Variants in TPRN observed in about 807,000 individuals in gnomAD.
TPRN encodes the protein chromosome 9 open reading frame 75.
TPRN carries 32 observed loss-of-function variants against 42.6 expected under a neutral mutation model. The ratio of observed to expected loss-of-function variants is 0.75; its 90% CI spans 0.57 to 1.01. The LOEUF (loss-of-function observed/expected upper bound fraction) is 1.01, where lower values mean the gene tolerates loss of function less well. Ranked by LOEUF, TPRN falls within the 50% of genes least tolerant of loss-of-function variation. The pLI, the probability that TPRN is intolerant of heterozygous loss-of-function variation, is 0.00. For synonymous variants in TPRN, 541 were observed against 445.6 expected, an observed-to-expected ratio of 1.21 and a Z score of -2.70; for missense variants, 1,095 against 957.5, an observed-to-expected ratio of 1.14 and a Z score of -1.90.
Position 137,191,781 on chromosome 9 carries a change from G to T in TPRN, c.*331C>A. 2.3e-6 allele frequency: 1 copy of T among 439,598 alleles called. No homozygotes were observed. Among genetic ancestry groups the T allele is most frequent in the Non-Finnish European group, 4.3e-6 (1 of 234,688 alleles). 27.2% of individuals were successfully genotyped at this position (439,598 alleles called of 1,614,324 possible). A position where few individuals can be genotyped will look rare whatever the true frequency, so the allele number is the denominator to read the frequency against. On this transcript the variant is annotated 3_prime_UTR_variant, in exon 4 of 4. Coordinates refer to ENST00000409012, the MANE Select transcript of TPRN (RefSeq NM_001128228.3). ...CCCCATGGCCACTGTGAGGCAGGCT[G>T]AGGAGACAGGACAGGGAATGGCCAG...
Position 137,200,526 on chromosome 9 carries a change from C to CA in TPRN, c.185dup (p.Met62IlefsTer168). 1 of 1,169,676 alleles carries CA rather than the reference C, an allele frequency of 8.5e-7. No homozygotes were observed. Among genetic ancestry groups the CA allele is most frequent in the Non-Finnish European group, 1.1e-6 (1 of 946,248 alleles). 72.5% of individuals were successfully genotyped at this position (1,169,676 alleles called of 1,614,324 possible). ...CGCGCCGCCGCTCGGCCTCCAGCAG[C>CA]ATGAACGGGTTCTCGCGCAGCGGGC... is the stretch of plus-strand genomic sequence containing the variant. On this transcript the variant is annotated frameshift_variant, in exon 1 of 4. Coordinates refer to ENST00000409012, the MANE Select transcript of TPRN (RefSeq NM_001128228.3). LOFTEE classifies it high-confidence loss of function. The surrounding 1 kb of genome is among the most constrained non-coding windows in gnomAD (Gnocchi z 4.3).
In TPRN at chr9:137,199,944, A is replaced by G; in HGVS notation, c.768T>C (p.Asp256=). The change falls in exon 1 of 4, where the codon GAT becomes GAC. Residue 256 remains aspartate (D), a synonymous_variant. Coordinates refer to ENST00000409012, the MANE Select transcript of TPRN (RefSeq NM_001128228.3). ...GGCTGGGGGGCGGGTGGAGGGAGGG[A>G]TCCCCCGACTCCACCTTTGGCTTCC... ...GQWKPKVESG[D]PSLHPPPSPG... The G allele has an allele frequency of 5.4e-6, 8 of 1,483,544 alleles. No homozygotes were observed. Among genetic ancestry groups the G allele is most frequent in the Non-Finnish European group, 7.2e-6 (8 of 1,117,066 alleles). 91.9% of individuals were successfully genotyped at this position (1,483,544 alleles called of 1,614,324 possible). A position where few individuals can be genotyped will look rare whatever the true frequency, so the allele number is the denominator to read the frequency against.
intron 1 of TPRN, among the ~76,000 whole-genome samples, chr9:137,195,494 A>G (rs1285222043): frequency 6.6e-6 from 1 of 152,190 alleles, no homozygotes; most frequent in East Asian, 1.9e-4. Flanking sequence ...GCACAGGGGT[A>G]GAGGCAGGGA....
chr9:137,199,112 C>T lies in TPRN; in HGVS notation c.1600G>A (p.Ala534Thr). Residue 534 changes from alanine (A) to threonine (T), a missense_variant, in exon 1 of 4, where the codon GCT becomes ACT. By Grantham distance (58) the Ala-to-Thr change is moderately conservative. Transcript: ENST00000409012. ...PRPREAEEEE[A>T]SCLLGPTLKK... ...AACGTGGGCCCCAGGAGGCAACTAG[C>T]CTCCTCCTCCTCGGCCTCCCGTGGC... 1 of 1,613,060 alleles carries T rather than the reference C, an allele frequency of 6.2e-7. No individual in the cohort carries two copies.
chr9:137,193,906 G>A (rs1834668386), intron 1 of TPRN: 1 of 152,406 alleles, frequency 6.6e-6, no homozygotes, highest in African/African-American at 2.4e-5. Context: ...ACACACTCTT[G>A]CCATCATGCT....
At position 137,200,661 on chromosome 9, in the gene TPRN, A is replaced by G; in HGVS notation, c.51T>C (p.Ala17=). The G allele has an allele frequency of 8.1e-7, 1 of 1,237,306 alleles. No homozygotes were observed. Among genetic ancestry groups the G allele is most frequent in the African/African-American group, 1.6e-5 (1 of 62,132 alleles). The allele number at this position is 1,237,306 out of a possible 1,614,324, so 76.6% of individuals were successfully genotyped here. A position where few individuals can be genotyped will look rare whatever the true frequency, so the allele number is the denominator to read the frequency against. Residue 17 remains alanine (A), a synonymous_variant, in exon 1 of 4, where the codon GCT becomes GCC. Transcript: ENST00000409012. The surrounding 1 kb of genome is among the most constrained non-coding windows in gnomAD (Gnocchi z 4.3). The part of the protein sequence containing the change: ...PGSGPRAAVP[A]WKREILERKR... The stretch of plus-strand genomic sequence containing the variant: ...TCCGCTCCAGGATCTCACGCTTCCA[A>G]GCGGGCACCGCAGCGCGCGGCCCCG...
intron 1 of TPRN, among the ~76,000 whole-genome samples, chr9:137,198,267 C>T (rs937879128): frequency 7.2e-5 from 11 of 152,228 alleles, no homozygotes; most frequent in African/African-American, 2.2e-4. Flanking sequence ...GCAGGAATTA[C>T]CAGAAAGAAT....
intron 1 of TPRN, among the ~76,000 whole-genome samples, chr9:137,197,511 C>T (rs1250551335): frequency 2.0e-5 from 3 of 152,170 alleles, no homozygotes; most frequent in Non-Finnish European, 2.9e-5. Flanking sequence ...GGGAGGGGTT[C>T]TAGAAACAGA....
Position 137,199,494 on chromosome 9 carries a change from G to GAGGGC in TPRN, c.1213_1217dup (p.Ala407ProfsTer45). The GAGGGC allele has an allele frequency of 1.3e-6, 2 of 1,585,320 alleles. No homozygotes were observed. Among genetic ancestry groups the GAGGGC allele is most frequent in the Non-Finnish European group, 1.7e-6 (2 of 1,166,560 alleles). On this transcript the variant is annotated frameshift_variant, in exon 1 of 4. Coordinates refer to ENST00000409012, the MANE Select transcript of TPRN (RefSeq NM_001128228.3). LOFTEE classifies it high-confidence loss of function. ...TCTGCCACCTAATAGCCCGGTCAGCGAGGGCGGTGGCTGTCCTGGGACAGG... is the reference window on the plus strand; with the variant it reads ...TCTGCCACCTAATAGCCCGGTCAGCGAGGGCAGGGCGGTGGCTGTCCTGGGACAGG...
chr9:137,197,817 G>A (rs868502874), intron 1 of TPRN, among the ~76,000 whole-genome samples: 1 of 152,222 alleles, frequency 6.6e-6, no homozygotes, highest in Non-Finnish European at 1.5e-5. Flanking sequence ...GGAGTGGGAG[G>A]GGCCCTGGAC....
chr9:137,198,567 C>T (rs867650500), intron 1 of TPRN, among the ~76,000 whole-genome samples: 5 of 152,380 alleles, frequency 3.3e-5, no homozygotes, highest in Middle Eastern at 3.4e-3. Flanking sequence ...TGGCGCCTGG[C>T]GCCCATGCAG....
Position 137,200,637 on chromosome 9 carries a change from C to T in TPRN, c.75G>A (p.Arg25=). Residue 25 remains arginine (R), a synonymous_variant, in exon 1 of 4, where the codon CGG becomes CGA. Coordinates refer to ENST00000409012, the MANE Select transcript of TPRN (RefSeq NM_001128228.3). This position sits in a 1 kb window ranked among gnomAD's most constrained non-coding sequence, Gnocchi z 4.3. ...VPAWKREILE[R]KRAKLAALGG... Reference sequence around the variant, plus strand: ...CCAGCGCGGCTAGCTTGGCCCGCTTCCGCTCCAGGATCTCACGCTTCCAAG... The same window carrying T: ...CCAGCGCGGCTAGCTTGGCCCGCTTTCGCTCCAGGATCTCACGCTTCCAAG... The T allele has an allele frequency of 8.3e-7, 1 of 1,203,924 alleles. No homozygotes were observed. The highest frequency in any genetic ancestry group is 4.1e-5 in the Admixed American group (1 of 24,672). The allele number at this position is 1,203,924 out of a possible 1,614,324, so 74.6% of individuals were successfully genotyped here.
At position 137,192,581 on chromosome 9, in the gene TPRN, C is replaced by T. The variant is rs566915205; in HGVS notation, c.1836G>A (p.Glu612=). 1.2e-6 allele frequency: 2 copies of T among 1,611,786 alleles called. No homozygotes were observed. Among genetic ancestry groups the T allele is most frequent in the Non-Finnish European group, 1.7e-6 (2 of 1,179,118 alleles). ...EVDQQEEEEE[E]EEEEEEEEEG... ...CTTCCTCCTCTTCCTCTTCCTCCTCCTCCTCCTCCTCCTCCTCCTGCTGGT... is the reference window on the plus strand; with the variant it reads ...CTTCCTCCTCTTCCTCTTCCTCCTCTTCCTCCTCCTCCTCCTCCTGCTGGT... Residue 612 remains glutamate (E), a synonymous_variant, in exon 2 of 4, where the codon GAG becomes GAA. Transcript: ENST00000409012.
At chr9:137,194,420 C>G (rs1475310193) in intron 1 of TPRN, 1 of 152,402 alleles carries the variant, frequency 6.6e-6, no homozygotes, top group Admixed American at 6.5e-5. Flanking sequence ...TCTCCCACAG[C>G]CCCGAAGTCC....
intron 1 of TPRN, among the ~76,000 whole-genome samples, chr9:137,196,184 C>T (rs1834701544): frequency 6.6e-6 from 1 of 152,212 alleles, no homozygotes; most frequent in Admixed American, 6.5e-5. Context: ...CACCGCCAGC[C>T]GCTGAGGTGC....
chr9:137,200,723 G>C lies in TPRN; in HGVS notation c.-12C>G, dbSNP rs948547967. 6.1e-6 allele frequency: 7 copies of C among 1,138,296 alleles called. No homozygotes were observed. The highest frequency in any genetic ancestry group is 7.5e-6 in the Non-Finnish European group (7 of 928,884). 70.5% of individuals were successfully genotyped at this position (1,138,296 alleles called of 1,614,324 possible). A position where few individuals can be genotyped will look rare whatever the true frequency, so the allele number is the denominator to read the frequency against. Reference sequence around the variant, plus strand: ...CCCAGGGCGGCCATGCTGCGAACGCGGCAGCGGACGGCTGGACTGAGGGCC... The same window carrying C: ...CCCAGGGCGGCCATGCTGCGAACGCCGCAGCGGACGGCTGGACTGAGGGCC... On this transcript the variant is annotated 5_prime_UTR_variant, in exon 1 of 4. Coordinates refer to ENST00000409012, the MANE Select transcript of TPRN (RefSeq NM_001128228.3). The surrounding 1 kb of genome is among the most constrained non-coding windows in gnomAD (Gnocchi z 4.3).
Position 137,199,813 on chromosome 9 carries a change from CG to C in TPRN, c.898del (p.Arg300GlyfsTer150). 1 of 1,593,802 alleles carries C rather than the reference CG, an allele frequency of 6.3e-7. No individual in the cohort carries two copies. Among genetic ancestry groups the C allele is most frequent in the Non-Finnish European group, 8.5e-7 (1 of 1,170,674 alleles). On this transcript the variant is annotated frameshift_variant, in exon 1 of 4. Coordinates refer to ENST00000409012, the MANE Select transcript of TPRN (RefSeq NM_001128228.3). LOFTEE classifies it high-confidence loss of function. ...CTCCATAACTGGCTTGGGGGCCGGC[CG>C]TATCTCGAAGGAGTCGTTGGTGCTG... is the stretch of plus-strand genomic sequence containing the variant. The part of the protein sequence containing the change: ...ATSTNDSFEI[R>X]PAPKPVMETI...
At position 137,192,572 on chromosome 9, in the gene TPRN, T is replaced by C. The variant is rs139510609; in HGVS notation, c.1845A>G (p.Glu615=). 3.8e-5 allele frequency: 61 copies of C among 1,608,314 alleles called. No homozygotes were observed. The highest frequency in any genetic ancestry group is 4.7e-5 in the Non-Finnish European group (55 of 1,177,246). ...QQEEEEEEEE[E]EEEEEEGSGS... ...CGGATCCCTCTTCCTCCTCTTCCTC[T>C]TCCTCCTCCTCCTCCTCCTCCTCCT... The change falls in exon 2 of 4, where the codon GAA becomes GAG. Residue 615 remains glutamate (E), a synonymous_variant. Transcript: ENST00000409012.
In TPRN at chr9:137,199,521, C is replaced by T; in HGVS notation, c.1191G>A (p.Gly397=). The change falls in exon 1 of 4, where the codon GGG becomes GGA. Residue 397 remains glycine (G), a synonymous_variant. Coordinates refer to ENST00000409012, the MANE Select transcript of TPRN (RefSeq NM_001128228.3). ...GGGCGGTGGCTGTCCTGGGACAGGC[C>T]CCCTCCTCGACTGCCCACTGTGCCT... is the stretch of plus-strand genomic sequence containing the variant. ...EVEAQWAVEE[G]ACPRTATALA... is the part of the protein sequence containing the mutation. 6.4e-7 allele frequency: 1 copy of T among 1,571,882 alleles called. No homozygotes were observed. Among genetic ancestry groups the T allele is most frequent in the Non-Finnish European group, 8.6e-7 (1 of 1,159,210 alleles).
Sources: allele counts gnomAD v4.1 joint callset (sites outside exome capture counted in the v4.1 genomes callset), GRCh38; gene constraint gnomAD v4.1.1; non-coding constraint Gnocchi (gnomAD v3.1); transcripts MANE v1.5; gene names NCBI Gene and HGNC (gene_info 2026-07-23, HGNC 2026-07-21).